Variants in SBSPON observed in about 807,000 individuals in gnomAD.
SBSPON encodes somatomedin-B and thrombospondin type-1 domain-containing protein.
Under a neutral mutation model 35.8 loss-of-function variants are expected in SBSPON, and 30 were observed. The ratio of observed to expected loss-of-function variants is 0.84; its 90% confidence interval spans 0.63 to 1.14. The LOEUF (loss-of-function observed/expected upper bound fraction) is 1.14. Ranked by LOEUF, SBSPON falls within the 50% of genes most tolerant of loss-of-function variation. SBSPON has a pLI of 0.00. For synonymous variants in SBSPON, 136 were observed against 135.9 expected (o/e 1.00, Z 0.00); for missense variants, 364 against 357.7 (o/e 1.02, Z -0.14).
chr8:73,067,321 G>T lies in SBSPON; in HGVS notation c.*20C>A. 1 of 1,239,104 alleles carries T rather than the reference G, an allele frequency of 8.1e-7. No individual in the cohort carries two copies. Among genetic ancestry groups the T allele is most frequent in the Non-Finnish European group, 1.2e-6 (1 of 839,378 alleles). The allele number at this position is 1,239,104 out of a possible 1,614,324, so 76.8% of individuals were successfully genotyped here. On this transcript the variant is annotated 3_prime_UTR_variant, in exon 5 of 5. Coordinates refer to ENST00000297354, the MANE Select transcript of SBSPON (RefSeq NM_153225.4). ...ATTTAGAATGTTTACAAATGCATTT[G>T]GAAATATTTATATCACCATCTATAT...
At position 73,065,439 on chromosome 8, in the gene SBSPON, C is replaced by A. The variant is rs1412520653; in HGVS notation, c.*1902G>T. Reference sequence around the variant, plus strand: ...ATTTTCTAGTCAAACAAATATAGAGCTTTTATAAATGTGAACAAAAAGTTT... The same window carrying A: ...ATTTTCTAGTCAAACAAATATAGAGATTTTATAAATGTGAACAAAAAGTTT... On this transcript the variant is annotated 3_prime_UTR_variant, in exon 5 of 5. Transcript: ENST00000297354. The A allele has an allele frequency of 6.6e-6, 1 of 151,984 alleles. No individual in the cohort carries two copies. The highest frequency in any genetic ancestry group is 1.9e-4 in the East Asian group (1 of 5,198). The allele number at this position is 151,984 out of a possible 1,614,324, so 9.4% of individuals were successfully genotyped here.
rs1810379565 is a variant in SBSPON at position 73,065,897 on chromosome 8, T to G, written c.*1444A>C. The G allele has an allele frequency of 6.6e-6, 1 of 152,224 alleles. No individual in the cohort carries two copies. The highest frequency in any genetic ancestry group is 1.5e-5 in the Non-Finnish European group (1 of 68,056). The allele number at this position is 152,224 out of a possible 1,614,324, so 9.4% of individuals were successfully genotyped here. A position where few individuals can be genotyped will look rare whatever the true frequency, so the allele number is the denominator to read the frequency against. On this transcript the variant is annotated 3_prime_UTR_variant, in exon 5 of 5. Transcript: ENST00000297354. ...TAATACTGACTTAAAGTTGCTAGCC[T>G]TGATGAGACTCACATATTTTATTAT...
At chr8:73,081,641 C>CA (rs34175944) in intron 1 of SBSPON, among the ~76,000 whole-genome samples, 51,107 of 144,572 alleles carry the variant, frequency 0.35, 8,737 homozygotes, top group Admixed American at 0.43. Flanking sequence ...ACATAAACAA[C>CA]AAAAAAAAAA....
chr8:73,072,780 A>G (rs769899285), intron 2 of SBSPON, among the ~76,000 whole-genome samples: 17 of 152,164 alleles, frequency 1.1e-4, no homozygotes, highest in Non-Finnish European at 1.3e-4. Flanking sequence ...CATAGTATCA[A>G]TGTGGCTGCC....
chr8:73,071,753 TAAAA>T (rs3830249), intron 3 of SBSPON, 23 bp downstream of exon 3: 72 of 1,287,540 alleles, frequency 5.6e-5, no homozygotes, highest in Non-Finnish European at 7.4e-5. Context: ...AAAACATGAT[TAAAA>T]AAAAAAAAAA....
intron 2 of SBSPON, chr8:73,075,683 G>T: frequency 2.7e-6 from 1 of 366,766 alleles, no homozygotes; most frequent in Non-Finnish European, 3.8e-6. Context: ...TTTGCTTTGA[G>T]AATTTCATAA....
chr8:73,069,787 G>C lies in SBSPON; in HGVS notation c.677+18C>G. On this transcript the variant is annotated intron_variant, in intron 4 of 4. Coordinates refer to ENST00000297354, the MANE Select transcript of SBSPON (RefSeq NM_153225.4). ...AATGAGTGACAAGAAAAGTACTTCAGTTAATTTCCATTCTTACCCATCGGA... is the reference window on the plus strand; with the variant it reads ...AATGAGTGACAAGAAAAGTACTTCACTTAATTTCCATTCTTACCCATCGGA... The C allele has an allele frequency of 1.2e-6, 2 of 1,605,462 alleles. No homozygotes were observed. Among genetic ancestry groups the C allele is most frequent in the South Asian group, 2.2e-5 (2 of 90,886 alleles).
chr8:73,082,446 T>G (rs919322231), intron 1 of SBSPON, among the ~76,000 whole-genome samples: 2 of 152,184 alleles, frequency 1.3e-5, no homozygotes, highest in African/African-American at 4.8e-5. Flanking sequence ...CATTCACGGT[T>G]TTTGGAGGAC....
chr8:73,085,893 T>C (rs1313979956), intron 1 of SBSPON: 2 of 152,194 alleles, frequency 1.3e-5, no homozygotes, highest in Non-Finnish European at 2.9e-5. Context: ...CACTCTCCTT[T>C]GTAATCTAGC....
At chr8:73,091,398 C>T (rs535158623) in intron 1 of SBSPON, among the ~76,000 whole-genome samples, 1 of 152,164 alleles carries the variant, frequency 6.6e-6, no homozygotes, top group Non-Finnish European at 1.5e-5. Flanking sequence ...AGTAGAAAGT[C>T]CTAGAGAGCA....
At chr8:73,089,989 C>T (rs1157978882) in intron 1 of SBSPON, among the ~76,000 whole-genome samples, 1 of 152,216 alleles carries the variant, frequency 6.6e-6, no homozygotes, top group African/African-American at 2.4e-5. Context: ...AGGTGATCCT[C>T]CCACCTCAGC....
chr8:73,068,583 C>A (rs2129983825), intron 4 of SBSPON, among the ~76,000 whole-genome samples: 1 of 152,216 alleles, frequency 6.6e-6, no homozygotes, highest in African/African-American at 2.4e-5. Context: ...TAAATAAGTG[C>A]AGAACTGGGA....
Position 73,065,820 on chromosome 8 carries a change from A to C in SBSPON, c.*1521T>G, listed in dbSNP as rs895598770. 17 of 152,288 alleles carry C rather than the reference A, an allele frequency of 1.1e-4. No homozygotes were observed. Among genetic ancestry groups the C allele is most frequent in the African/African-American group, 4.1e-4 (17 of 41,558 alleles). The allele number at this position is 152,288 out of a possible 1,614,324, so 9.4% of individuals were successfully genotyped here. ...TTAAGTAACATTGGAAATTACCCAG[A>C]CATAGCTTCAAAAATCTAGCTTAAT... On this transcript the variant is annotated 3_prime_UTR_variant, in exon 5 of 5. Transcript: ENST00000297354.
At chr8:73,080,553 G>A (rs1299387971) in intron 2 of SBSPON, among the ~76,000 whole-genome samples, 5 of 152,120 alleles carry the variant, frequency 3.3e-5, no homozygotes, top group African/African-American at 1.2e-4. Flanking sequence ...CTTTATCATT[G>A]TTTAGAATTC....
At chr8:73,092,621 G>A (rs1810957117) in intron 1 of SBSPON, among the ~76,000 whole-genome samples, 1 of 152,106 alleles carries the variant, frequency 6.6e-6, no homozygotes, top group Non-Finnish European at 1.5e-5. Flanking sequence ...CCTTCCATCC[G>A]GGCTCTGGTC....
At chr8:73,092,752 G>A (rs1247693110) in intron 1 of SBSPON, 102 bp downstream of exon 1, 1 of 857,814 alleles carries the variant, frequency 1.2e-6, no homozygotes, top group East Asian at 2.9e-5. Context: ...GGGTCTGGAG[G>A]ACACCTGGCT....
intron 2 of SBSPON, among the ~76,000 whole-genome samples, chr8:73,075,242 G>A (rs910193826): frequency 5.9e-5 from 9 of 152,184 alleles, no homozygotes; most frequent in African/African-American, 1.9e-4. Context: ...CATCCTAAGA[G>A]CAAGCCAGGT....
chr8:73,086,012 T>G (rs1187068597), intron 1 of SBSPON: 2 of 152,222 alleles, frequency 1.3e-5, no homozygotes, highest in Non-Finnish European at 2.9e-5. Flanking sequence ...TAAGGAAATG[T>G]TCTTACACCG....
At position 73,076,916 on chromosome 8, in the gene SBSPON, G is replaced by T. The variant is rs1048703785; in HGVS notation, c.409+4103C>A. 7.4e-4 allele frequency among the ~76,000 whole-genome samples: 113 copies of T among 151,934 alleles called. 1 individual carries two copies. The highest frequency in any genetic ancestry group is 3.1e-3 in the Admixed American group (47 of 15,262). ...ATAAATCTGTGGGGTTTTTTGTTTT[G>T]TTTTTTTGAGACAGAGTTTCGCTCT... is the stretch of plus-strand genomic sequence containing the variant. On this transcript the variant is annotated intron_variant, in intron 2 of 4. Coordinates refer to ENST00000297354, the MANE Select transcript of SBSPON (RefSeq NM_153225.4).
Sources: gnomAD v4.1 joint callset for allele counts (sites outside exome capture counted in the v4.1 genomes callset) on GRCh38, gnomAD v4.1.1 for gene constraint, MANE v1.5 for transcripts, NCBI Gene and HGNC (gene_info 2026-07-23, HGNC 2026-07-21) for gene names.